Variants in PDE8A observed in about 807,000 individuals in gnomAD.
PDE8A encodes high affinity cAMP-specific and IBMX-insensitive 3',5'-cyclic phosphodiesterase 8A.
PDE8A carries 59 observed loss-of-function variants against 105.0 expected under a neutral mutation model. That is an observed-to-expected ratio of 0.56 (90% CI 0.46 to 0.70). The LOEUF is 0.70. PDE8A is among the 30% of genes least tolerant of loss of function. The pLI is 0.00. For missense variants in PDE8A, 1,014 were observed against 1,045.9 expected, an observed-to-expected ratio of 0.97 and a Z score of 0.42; for synonymous variants, 355 against 371.9, an observed-to-expected ratio of 0.95 and a Z score of 0.52.
chr15:85,091,118 G>T lies in PDE8A; in HGVS notation c.789G>T (p.Val263=), dbSNP rs772779671. The T allele has an allele frequency of 1.2e-6, 2 of 1,613,104 alleles. No homozygotes were observed. The highest frequency in any genetic ancestry group is 1.3e-5 in the African/African-American group (1 of 74,988). Residue 263 remains valine, a synonymous_variant, in exon 8 of 22, where the codon GTG becomes GTT. Transcript: ENST00000394553. ...TAATAGGGAAGGAGTTAGGAGAAGT[G>T]CCTATAAATGAAAAAAAGGCTGACT... The part of the protein sequence containing the change: ...GELIGKELGE[V]PINEKKADLL...
At chr15:85,075,328 A>T (rs56779116) in intron 3 of PDE8A, among the ~76,000 whole-genome samples, 13,437 of 152,162 alleles carry the variant, frequency 0.088, 1,634 homozygotes, top group African/African-American at 0.28. Flanking sequence ...TTTCTGACCG[A>T]TTACAATATC....
intron 1 of PDE8A, among the ~76,000 whole-genome samples, chr15:85,052,911 C>T (rs548548562): frequency 1.5e-4 from 23 of 152,202 alleles, no homozygotes; most frequent in South Asian, 6.2e-4. Context: ...GCCTATGTCC[C>T]GAATGATATT....
At chr15:85,098,705 A>C (rs1162909679) in intron 9 of PDE8A, among the ~76,000 whole-genome samples, 4 of 152,232 alleles carry the variant, frequency 2.6e-5, no homozygotes, top group African/African-American at 4.8e-5. Context: ...CATGCCTGTA[A>C]TCCCAGCACT....
At chr15:85,085,006 G>T (rs1023282752) in intron 6 of PDE8A, among the ~76,000 whole-genome samples, 2 of 152,272 alleles carry the variant, frequency 1.3e-5, no homozygotes, top group Non-Finnish European at 2.9e-5. Flanking sequence ...GAAACCACCA[G>T]TTAGTCTCCC....
At chr15:84,999,432 T>C (rs2080031119) in intron 1 of PDE8A, among the ~76,000 whole-genome samples, 1 of 152,114 alleles carries the variant, frequency 6.6e-6, no homozygotes, top group African/African-American at 2.4e-5. Context: ...CCATATTCCT[T>C]ATTGAACAAT....
chr15:84,988,472 G>C (rs1456068382), intron 1 of PDE8A, among the ~76,000 whole-genome samples: 1 of 152,240 alleles, frequency 6.6e-6, no homozygotes, highest in Non-Finnish European at 1.5e-5. Context: ...CCTGAAGCTA[G>C]ATATTTTGTG....
intron 16 of PDE8A, among the ~76,000 whole-genome samples, chr15:85,116,851 C>G (rs572303171): frequency 1.3e-5 from 2 of 152,238 alleles, no homozygotes; most frequent in Non-Finnish European, 2.9e-5. Flanking sequence ...TTCTACTTCC[C>G]TATCTCCCAG....
rs1285374770 is a variant in PDE8A at position 85,116,810 on chromosome 15, CA to C, written c.1535+692del. Among the ~76,000 whole-genome samples, 4 of 152,326 alleles carry C rather than the reference CA, an allele frequency of 2.6e-5. No individual in the cohort carries two copies. The East Asian group carries it at 7.7e-4, about 29-fold the overall frequency. ...CCCCAAGATAACTCCCTGACTTTTT[CA>C]GGCTCCCCTTGAGTTAACCTTCTGA... On this transcript the variant is annotated intron_variant, in intron 16 of 21. Transcript: ENST00000394553.
chr15:85,069,296 A>G (rs532153279), intron 3 of PDE8A, among the ~76,000 whole-genome samples: 3 of 152,324 alleles, frequency 2.0e-5, no homozygotes, highest in South Asian at 2.1e-4. Flanking sequence ...CCTCTCCTCT[A>G]TGAAGTGCCT....
chr15:85,017,331 C>A (rs1362520184), intron 1 of PDE8A, among the ~76,000 whole-genome samples: 1 of 151,664 alleles, frequency 6.6e-6, no homozygotes, highest in Non-Finnish European at 1.5e-5. Context: ...CTGCTAAGTT[C>A]TCTGATTTGT....
intron 6 of PDE8A, 54 bp downstream of exon 6, chr15:85,083,698 G>C: frequency 3.5e-6 from 4 of 1,129,584 alleles, no homozygotes; most frequent in Non-Finnish European, 4.0e-6. Context: ...AGCATGGCAA[G>C]TGAGAACTTT....
intron 1 of PDE8A, among the ~76,000 whole-genome samples, chr15:85,060,303 A>ACTCCTATACT (rs1486557901): frequency 3.9e-5 from 6 of 152,044 alleles, no homozygotes; most frequent in African/African-American, 7.3e-5. Flanking sequence ...CAAAAATTCT[A>ACTCCTATACT]CTCCTATACT....
intron 1 of PDE8A, among the ~76,000 whole-genome samples, chr15:85,051,662 C>T (rs904150889): frequency 6.6e-6 from 1 of 152,050 alleles, no homozygotes; most frequent in Non-Finnish European, 1.5e-5. Context: ...TTGTTCCCCC[C>T]ACATGTCCAT....
intron 5 of PDE8A, 96 bp downstream of exon 5, chr15:85,076,883 A>G (rs962788585): frequency 1.8e-5 from 16 of 896,878 alleles, no homozygotes; most frequent in African/African-American, 3.3e-5. Context: ...ATTAATTTGA[A>G]GAAAAAAAAT....
intron 20 of PDE8A, among the ~76,000 whole-genome samples, chr15:85,132,626 C>T (rs919267759): frequency 1.2e-4 from 19 of 152,024 alleles, no homozygotes; most frequent in African/African-American, 4.6e-4. Context: ...CCACCATGCC[C>T]AGCTAATTTT....
intron 5 of PDE8A, among the ~76,000 whole-genome samples, chr15:85,083,221 A>G (rs1446041956): frequency 2.6e-5 from 4 of 152,196 alleles, no homozygotes; most frequent in Non-Finnish European, 5.9e-5. Context: ...TAGTTAATGA[A>G]TTTCCTCCTC....
At chr15:84,989,006 A>G (rs1197592391) in intron 1 of PDE8A, among the ~76,000 whole-genome samples, 1 of 152,246 alleles carries the variant, frequency 6.6e-6, no homozygotes, top group East Asian at 1.9e-4. Context: ...TTTAACAGAA[A>G]GCTAAAATAC....
intron 20 of PDE8A, among the ~76,000 whole-genome samples, chr15:85,135,334 C>T (rs1196850143): frequency 6.6e-6 from 1 of 152,138 alleles, no homozygotes; most frequent in Admixed American, 6.5e-5. Flanking sequence ...CCTTACCACA[C>T]CTGGCCCAAC....
At chr15:85,076,351 A>T (rs2081380530) in intron 4 of PDE8A, among the ~76,000 whole-genome samples, 1 of 152,052 alleles carries the variant, frequency 6.6e-6, no homozygotes, top group Non-Finnish European at 1.5e-5. Flanking sequence ...TTATACATAG[A>T]AGAAATGTTT....
Sources: allele counts gnomAD v4.1 joint callset (sites outside exome capture counted in the v4.1 genomes callset), GRCh38; gene constraint gnomAD v4.1.1; transcripts MANE v1.5; gene names NCBI Gene and HGNC (gene_info 2026-07-23, HGNC 2026-07-21).